Variants in RORA observed in about 807,000 individuals in gnomAD.
RORA encodes the protein RAR related orphan receptor A, also known as nuclear receptor ROR-alpha.
A neutral mutation model predicts 69.5 loss-of-function variants in RORA; 7 were observed. That is an observed-to-expected ratio of 0.10 (90% CI 0.06 to 0.19). RORA has a LOEUF of 0.19. Among genes scored for constraint, RORA ranks in the 10% least tolerant of loss-of-function variants. RORA has a pLI of 1.00. For missense variants in RORA, 457 were observed against 663.0 expected (o/e 0.69, Z 3.41); for synonymous variants, 261 against 240.8 (o/e 1.08, Z -0.78).
intron 2 of RORA, among the ~76,000 whole-genome samples, chr15:60,659,318 A>G (rs1184116581): frequency 6.6e-6 from 1 of 152,232 alleles, no homozygotes; most frequent in African/African-American, 2.4e-5. Context: ...GTAAGCAAGT[A>G]GAACTGACTT....
At chr15:61,191,519 T>C (rs976745257) in intron 1 of RORA, among the ~76,000 whole-genome samples, 1 of 152,224 alleles carries the variant, frequency 6.6e-6, no homozygotes, top group Non-Finnish European at 1.5e-5. Context: ...CTGGCTATTG[T>C]ACTTCTTAGG....
At chr15:60,610,752 C>T (rs2069066171) in intron 2 of RORA, among the ~76,000 whole-genome samples, 1 of 151,704 alleles carries the variant, frequency 6.6e-6, no homozygotes, top group Non-Finnish European at 1.5e-5. Context: ...GAAAAAAAAC[C>T]CCAAAAACCA....
intron 1 of RORA, among the ~76,000 whole-genome samples, chr15:60,945,708 T>C (rs752795365): frequency 2.1e-4 from 32 of 152,172 alleles, no homozygotes; most frequent in Non-Finnish European, 4.1e-4. Context: ...AAGGGGCACT[T>C]TTTTGGCAAA....
intron 1 of RORA, among the ~76,000 whole-genome samples, chr15:61,197,220 A>C (rs536031516): frequency 4.7e-4 from 71 of 152,324 alleles, no homozygotes; most frequent in African/African-American, 1.6e-3. Context: ...CTCTCCCTAC[A>C]TGGCAATAAA....
At chr15:60,628,032 T>A (rs1240738312) in intron 2 of RORA, among the ~76,000 whole-genome samples, 1 of 152,240 alleles carries the variant, frequency 6.6e-6, no homozygotes. Flanking sequence ...GTAAAAATAG[T>A]ACAGATAATG....
chr15:60,918,002 AAACC>A (rs1891929518), intron 1 of RORA, among the ~76,000 whole-genome samples: 1 of 152,244 alleles, frequency 6.6e-6, no homozygotes, highest in South Asian at 2.1e-4. Flanking sequence ...CAGTAACAGC[AAACC>A]TTGGAGAGTT....
intron 2 of RORA, among the ~76,000 whole-genome samples, chr15:60,572,329 C>T (rs2067907143): frequency 6.6e-6 from 1 of 152,152 alleles, no homozygotes; most frequent in Admixed American, 6.5e-5. Context: ...CATAAGAAAC[C>T]TACCAGAAAA....
At position 60,804,178 on chromosome 15, in the gene RORA, C is replaced by G. The variant is rs990426492; in HGVS notation, c.167-125492G>C. ...TGGTGGGTGCCTCTAATCCCAGCTA[C>G]TTGGGAGGCGGAGGCAGGAGAATTG... On this transcript the variant is annotated intron_variant, in intron 1 of 10. Coordinates refer to ENST00000335670, the MANE Select transcript of RORA (RefSeq NM_134261.3). Among the ~76,000 whole-genome samples, 5 of 149,970 alleles carry G rather than the reference C, an allele frequency of 3.3e-5. No individual in the cohort carries two copies. In the East Asian group the frequency reaches 7.9e-4, roughly 24 times the overall value.
At chr15:61,016,144 A>G (rs1895277224) in intron 1 of RORA, among the ~76,000 whole-genome samples, 1 of 152,202 alleles carries the variant, frequency 6.6e-6, no homozygotes, top group Non-Finnish European at 1.5e-5. Flanking sequence ...ACCACAATGT[A>G]GAGTGAGTTA....
At chr15:60,970,262 TA>T (rs1183831000) in intron 1 of RORA, among the ~76,000 whole-genome samples, 1 of 152,226 alleles carries the variant, frequency 6.6e-6, no homozygotes, top group East Asian at 1.9e-4. Flanking sequence ...TTGTGAGGTT[TA>T]AATGAGAAGG....
chr15:60,973,429 C>T (rs577743387), intron 1 of RORA, among the ~76,000 whole-genome samples: 10 of 152,318 alleles, frequency 6.6e-5, no homozygotes, highest in African/African-American at 1.9e-4. Flanking sequence ...CCAGAGGGCT[C>T]TGTCTGAGCT....
intron 1 of RORA, chr15:61,181,346 G>A (rs900648579): frequency 3.3e-5 from 5 of 152,034 alleles, no homozygotes; most frequent in Admixed American, 3.3e-4. Context: ...ATTATCTCCT[G>A]GAAGAACATT....
intron 2 of RORA, among the ~76,000 whole-genome samples, chr15:60,542,504 A>G (rs1265066185): frequency 3.0e-5 from 4 of 134,222 alleles, no homozygotes; most frequent in Non-Finnish European, 6.4e-5. Flanking sequence ...GCACACAGGC[A>G]CATCTCACAC....
At chr15:61,098,695 G>A (rs2078834443) in intron 1 of RORA, among the ~76,000 whole-genome samples, 1 of 152,198 alleles carries the variant, frequency 6.6e-6, no homozygotes, top group Non-Finnish European at 1.5e-5. Context: ...ACAAGGGAAT[G>A]TGGTGTGATC....
chr15:60,956,862 C>A (rs1179975401), intron 1 of RORA, among the ~76,000 whole-genome samples: 1 of 152,196 alleles, frequency 6.6e-6, no homozygotes, highest in Non-Finnish European at 1.5e-5. Flanking sequence ...AGGGACATAG[C>A]TCAAGCACTG....
intron 1 of RORA, among the ~76,000 whole-genome samples, chr15:61,119,039 G>A (rs1397181863): frequency 6.9e-6 from 1 of 145,678 alleles, no homozygotes; most frequent in Non-Finnish European, 1.5e-5. Context: ...TGAGATGACA[G>A]CATGAGCTGG....
At chr15:61,085,615 C>A (rs1188256468) in intron 1 of RORA, among the ~76,000 whole-genome samples, 1 of 152,206 alleles carries the variant, frequency 6.6e-6, no homozygotes, top group Admixed American at 6.5e-5. Flanking sequence ...ACTTTGAGAA[C>A]CACTGATCCA....
At chr15:60,770,953 AT>A (rs1478862207) in intron 1 of RORA, among the ~76,000 whole-genome samples, 1 of 152,288 alleles carries the variant, frequency 6.6e-6, no homozygotes, top group African/African-American at 2.4e-5. Context: ...ACCAAATAAT[AT>A]TTTTGTATAA....
chr15:61,061,396 A>AATAC lies in RORA; in HGVS notation c.166+167653_166+167656dup, dbSNP rs1555406930. Among the ~76,000 whole-genome samples, 38 of 150,040 alleles carry AATAC rather than the reference A, an allele frequency of 2.5e-4. No homozygotes were observed. Among genetic ancestry groups the AATAC allele is most frequent in the Admixed American group, 5.3e-4 (8 of 15,108 alleles). On this transcript the variant is annotated intron_variant, in intron 1 of 10. Coordinates refer to ENST00000335670, the MANE Select transcript of RORA (RefSeq NM_134261.3). The surrounding 1 kb of genome is among the most constrained non-coding windows in gnomAD (Gnocchi z 4.4). ...AAATAAATAAATAAATAAATAAATA[A>AATAC]ATACAAGGGCATCGCAGGAAGTCCT...
Sources: allele counts gnomAD v4.1 joint callset (sites outside exome capture counted in the v4.1 genomes callset), GRCh38; gene constraint gnomAD v4.1.1; non-coding constraint Gnocchi (gnomAD v3.1); transcripts MANE v1.5; gene names NCBI Gene and HGNC (gene_info 2026-07-23, HGNC 2026-07-21).